Variants in PHF14 observed in about 807,000 individuals in gnomAD.
PHF14 encodes PHD finger protein 14.
PHF14 carries 55 observed loss-of-function variants against 117.9 expected under a neutral mutation model. That is an observed-to-expected ratio of 0.47 (90% CI 0.38 to 0.58). The LOEUF is 0.58. Among genes scored for constraint, PHF14 ranks in the 20% least tolerant of loss-of-function variants. The pLI is 0.00. For missense variants in PHF14, 978 were observed against 1,122.2 expected (o/e 0.87, Z 1.84); for synonymous variants, 409 against 368.6 (o/e 1.11, Z -1.26).
At chr7:11,018,426 A>G (rs1199048785) in intron 5 of PHF14, among the ~76,000 whole-genome samples, 1 of 151,928 alleles carries the variant, frequency 6.6e-6, no homozygotes, top group Admixed American at 6.6e-5. Context: ...AATTTCTTTC[A>G]TCAGTGTTTT....
intron 13 of PHF14, among the ~76,000 whole-genome samples, chr7:11,049,197 G>C (rs185785703): frequency 6.6e-6 from 1 of 152,172 alleles, no homozygotes; most frequent in East Asian, 1.9e-4. Context: ...TTAGAGCCTG[G>C]CGCGGTGGCT....
At chr7:11,033,316 A>G (rs990372922) in intron 7 of PHF14, among the ~76,000 whole-genome samples, 1 of 152,204 alleles carries the variant, frequency 6.6e-6, no homozygotes, top group African/African-American at 2.4e-5. Context: ...TCCAGGGATC[A>G]GTTCCCTTCT....
intron 16 of PHF14, among the ~76,000 whole-genome samples, chr7:11,065,701 C>T (rs998929102): frequency 6.6e-6 from 1 of 152,040 alleles, no homozygotes; most frequent in African/African-American, 2.4e-5. Flanking sequence ...TCTCCTTGAG[C>T]CTATATGAAA....
intron 2 of PHF14, among the ~76,000 whole-genome samples, chr7:10,976,479 T>G (rs1477898684): frequency 2.0e-5 from 3 of 152,128 alleles, no homozygotes; most frequent in Non-Finnish European, 4.4e-5. Context: ...AGTTACGAAT[T>G]CTTTGAATAT....
chr7:11,083,383 T>C (rs1353124300), intron 16 of PHF14, among the ~76,000 whole-genome samples: 8 of 152,064 alleles, frequency 5.3e-5, no homozygotes, highest in African/African-American at 1.9e-4. Context: ...ACCGTCTCTC[T>C]TTCTCCCCGC....
intron 4 of PHF14, among the ~76,000 whole-genome samples, chr7:11,006,126 C>A (rs1046773994): frequency 5.3e-5 from 8 of 152,144 alleles, no homozygotes; most frequent in Non-Finnish European, 1.0e-4. Context: ...AAAACCATTT[C>A]CAGATTGACT....
At chr7:11,006,044 G>C (rs6976070) in intron 4 of PHF14, among the ~76,000 whole-genome samples, 1 of 151,852 alleles carries the variant, frequency 6.6e-6, no homozygotes, top group East Asian at 1.9e-4. Context: ...TGCCCACCTC[G>C]GCCTCCCAAA....
chr7:11,007,007 C>A, intron 4 of PHF14: 2 of 327,182 alleles, frequency 6.1e-6, no homozygotes, highest in South Asian at 5.5e-5. Context: ...AAACTCCCTT[C>A]TCTACTAAAA....
chr7:11,038,767 A>G lies in PHF14; in HGVS notation c.1988A>G (p.Glu663Gly), dbSNP rs762731714. 12 of 1,542,304 alleles carry G rather than the reference A, an allele frequency of 7.8e-6. No individual in the cohort carries two copies. Among genetic ancestry groups the G allele is most frequent in the Non-Finnish European group, 1.1e-5 (12 of 1,125,864 alleles). ...KLHVEYNKLC[E>G]SLEELQNLNG... The stretch of plus-strand genomic sequence containing the variant: ...ATTTGGCTTACTTTGTAGCTATGTG[A>G]ATCTTTAGAAGAACTACAAAACCTG... Residue 663 changes from glutamate to glycine, a missense_variant, in exon 11 of 18, where the codon GAA (glutamate) becomes GGA (glycine). This residue lies in a region of PHF14 where 237 missense variants were observed against 276.4 expected (regional missense o/e 0.86). Transcript: ENST00000634607.
At chr7:11,106,982 A>C in intron 16 of PHF14, 1 of 983,248 alleles carries the variant, frequency 1.0e-6, no homozygotes, top group Non-Finnish European at 1.2e-6. Context: ...ATCCTTGTTC[A>C]AGTCTATGTT....
Position 11,075,858 on chromosome 7 carries a change from G to A in PHF14, c.2654+13773G>A, listed in dbSNP as rs574657089. ...TAAAAGTTGCATAGCTAGGCTGGGC[G>A]CGGTGACTCATGCCTGTAATCCCAG... On this transcript the variant is annotated intron_variant, in intron 16 of 17. Transcript: ENST00000634607. Among the ~76,000 whole-genome samples, 205 of 152,210 alleles carry A rather than the reference G, an allele frequency of 1.3e-3. 3 individuals carry two copies. Among genetic ancestry groups the A allele is most frequent in the Admixed American group, 0.012 (179 of 15,292 alleles).
intron 4 of PHF14, among the ~76,000 whole-genome samples, chr7:10,991,135 C>T (rs1174267172): frequency 6.6e-6 from 1 of 151,476 alleles, no homozygotes; most frequent in Non-Finnish European, 1.5e-5. Context: ...GGACTACAGG[C>T]GCCCACCACC....
intron 17 of PHF14, among the ~76,000 whole-genome samples, chr7:11,129,310 C>T: frequency 6.6e-6 from 1 of 151,960 alleles, no homozygotes; most frequent in East Asian, 1.9e-4. Context: ...GCAAAAAAGA[C>T]CAAGAAGATA....
intron 14 of PHF14, among the ~76,000 whole-genome samples, chr7:11,057,617 A>G (rs1375623048): frequency 6.6e-6 from 1 of 151,918 alleles, no homozygotes; most frequent in Admixed American, 6.6e-5. Flanking sequence ...CAGGTGATCT[A>G]CCCGCCTCGG....
intron 16 of PHF14, among the ~76,000 whole-genome samples, chr7:11,099,194 C>A (rs1786996270): frequency 6.6e-6 from 1 of 152,054 alleles, no homozygotes; most frequent in Admixed American, 6.5e-5. Flanking sequence ...ATTTGCTGAT[C>A]TTGTTAGACA....
intron 4 of PHF14, among the ~76,000 whole-genome samples, chr7:10,999,462 A>G (rs894767751): frequency 3.9e-5 from 6 of 152,184 alleles, no homozygotes; most frequent in African/African-American, 1.2e-4. Flanking sequence ...ACTTTAGGAC[A>G]CAAGCTTGAG....
intron 16 of PHF14, among the ~76,000 whole-genome samples, chr7:11,092,711 C>G (rs1334211250): frequency 6.6e-6 from 1 of 151,376 alleles, no homozygotes; most frequent in Non-Finnish European, 1.5e-5. Context: ...TTTTTTTGTT[C>G]TAATGTGAGG....
intron 4 of PHF14, among the ~76,000 whole-genome samples, chr7:11,011,197 A>G (rs1783344832): frequency 6.6e-6 from 1 of 152,174 alleles, no homozygotes; most frequent in African/African-American, 2.4e-5. Flanking sequence ...GTAATTTAAA[A>G]TTATTTACTA....
chr7:11,117,996 G>A (rs1025349723), intron 17 of PHF14, among the ~76,000 whole-genome samples: 29 of 151,782 alleles, frequency 1.9e-4, no homozygotes, highest in African/African-American at 6.8e-4. Flanking sequence ...TAGGTAAGAT[G>A]TATACCACTC....
Sources: gnomAD v4.1 joint callset for allele counts (sites outside exome capture counted in the v4.1 genomes callset) on GRCh38, gnomAD v4.1.1 for gene constraint, gnomAD v4.1.1 regional missense constraint, MANE v1.5 for transcripts, NCBI Gene and HGNC (gene_info 2026-07-23, HGNC 2026-07-21) for gene names.